Variants in ARFIP1 observed in about 807,000 individuals in gnomAD.
ARFIP1 encodes the protein ARF interacting protein 1.
A neutral mutation model predicts 42.5 loss-of-function variants in ARFIP1; 24 were observed. The observed-to-expected ratio is 0.57, with a 90% CI of 0.41 to 0.80. The LOEUF is 0.80. Ranked by LOEUF, ARFIP1 falls within the 30% of genes least tolerant of loss-of-function variation. The probability of loss-of-function intolerance (pLI) is 0.00; values close to 1 mark genes in which losing one functional copy is unlikely to be tolerated. For missense variants in ARFIP1, 354 were observed against 434.0 expected, an observed-to-expected ratio of 0.82 and a Z score of 1.64; for synonymous variants, 141 against 153.7, an observed-to-expected ratio of 0.92 and a Z score of 0.61.
At chr4:152,784,354 T>A (rs1730673657) in intron 1 of ARFIP1, among the ~76,000 whole-genome samples, 1 of 152,206 alleles carries the variant, frequency 6.6e-6, no homozygotes, top group African/African-American at 2.4e-5. Context: ...ACAAAAGTAT[T>A]TATTTTCTTT....
intron 2 of ARFIP1, among the ~76,000 whole-genome samples, chr4:152,846,089 GA>G (rs113790798): frequency 1.2e-3 from 187 of 152,222 alleles, no homozygotes; most frequent in African/African-American, 4.3e-3. Flanking sequence ...TGTTGCTGCT[GA>G]ATTAACACAG....
chr4:152,835,123 C>G (rs1483940664), intron 2 of ARFIP1, among the ~76,000 whole-genome samples: 1 of 152,184 alleles, frequency 6.6e-6, no homozygotes, highest in Admixed American at 6.5e-5. Flanking sequence ...GCACATGGCT[C>G]CCCTTTAGTC....
chr4:152,864,959 G>T (rs1251888945), intron 3 of ARFIP1, among the ~76,000 whole-genome samples: 2 of 127,546 alleles, frequency 1.6e-5, no homozygotes, highest in East Asian at 2.3e-4. Context: ...GTAAAGCCGT[G>T]TAAACATTTA....
chr4:152,885,742 A>T (rs997503463), intron 7 of ARFIP1, among the ~76,000 whole-genome samples: 2 of 151,984 alleles, frequency 1.3e-5, no homozygotes, highest in East Asian at 3.9e-4. Context: ...ATTGAAGGAT[A>T]TTTGTCCTTA....
At chr4:152,811,692 A>G (rs999541403) in intron 1 of ARFIP1, among the ~76,000 whole-genome samples, 2 of 152,180 alleles carry the variant, frequency 1.3e-5, no homozygotes, top group Non-Finnish European at 2.9e-5. Flanking sequence ...GATTGTTTTT[A>G]TTCCTAAAGG....
intron 8 of ARFIP1, among the ~76,000 whole-genome samples, chr4:152,908,348 G>A (rs554227206): frequency 1.3e-5 from 2 of 152,054 alleles, no homozygotes; most frequent in East Asian, 1.9e-4. Flanking sequence ...ATATTAGGCC[G>A]GGCACGGTGA....
rs531658669 is a variant in ARFIP1 at position 152,882,479 on chromosome 4, TA to T, written c.634-237del. On this transcript the variant is annotated intron_variant, in intron 6 of 8. Coordinates refer to ENST00000353617, the MANE Select transcript of ARFIP1 (RefSeq NM_001025595.3). Reference sequence around the variant, plus strand: ...ATATTGTTTCTACTACAAAGTAACTTAAAAAAATTATTTAGCTTTTAGGTAT... The same window carrying T: ...ATATTGTTTCTACTACAAAGTAACTTAAAAAATTATTTAGCTTTTAGGTAT... Among the ~76,000 whole-genome samples, 6 of 152,284 alleles carry T rather than the reference TA, an allele frequency of 3.9e-5. No homozygotes were observed. The South Asian group carries it at 8.3e-4, about 21-fold the overall frequency.
chr4:152,902,831 G>A (rs1400058460), intron 8 of ARFIP1, among the ~76,000 whole-genome samples: 5 of 152,206 alleles, frequency 3.3e-5, no homozygotes, highest in South Asian at 2.1e-4. Flanking sequence ...GCCAGCGAGC[G>A]GTATTTGAGA....
intron 1 of ARFIP1, among the ~76,000 whole-genome samples, chr4:152,790,560 GCAGA>G (rs1472128038): frequency 6.6e-6 from 1 of 152,142 alleles, no homozygotes; most frequent in Non-Finnish European, 1.5e-5. Context: ...AAAGACTTCT[GCAGA>G]CAGTCAGTTT....
At chr4:152,859,296 A>C (rs529032476) in intron 2 of ARFIP1, among the ~76,000 whole-genome samples, 1 of 152,296 alleles carries the variant, frequency 6.6e-6, no homozygotes, top group Non-Finnish European at 1.5e-5. Context: ...TCCCGAGCTC[A>C]AGCGATCCTC....
intron 5 of ARFIP1, among the ~76,000 whole-genome samples, chr4:152,876,072 G>A (rs923369700): frequency 1.3e-5 from 2 of 151,996 alleles, no homozygotes; most frequent in East Asian, 1.9e-4. Context: ...TCCCAGTCTC[G>A]GGTCTGTCTT....
intron 8 of ARFIP1, 86 bp from the exon 9 acceptor site, chr4:152,909,978 A>G: frequency 2.0e-6 from 3 of 1,481,236 alleles, no homozygotes; most frequent in Non-Finnish European, 2.8e-6. Flanking sequence ...GAGATACACT[A>G]TTTAATTAAG....
At chr4:152,823,776 CAAAAAAAAAAAAAAA>C (rs66556811) in intron 1 of ARFIP1, among the ~76,000 whole-genome samples, 26 of 63,144 alleles carry the variant, frequency 4.1e-4, no homozygotes, top group Non-Finnish European at 5.7e-4. Flanking sequence ...GTCTCCATCT[CAAAAAAAAAAAAAAA>C]AAAAAAAAAA....
At chr4:152,848,086 G>GTA (rs1443811692) in intron 2 of ARFIP1, among the ~76,000 whole-genome samples, 1 of 152,048 alleles carries the variant, frequency 6.6e-6, no homozygotes, top group Admixed American at 6.6e-5. Context: ...TATTCGTTCA[G>GTA]TAGAACTACC....
chr4:152,804,852 G>C (rs1442556676), intron 1 of ARFIP1, among the ~76,000 whole-genome samples: 2 of 152,024 alleles, frequency 1.3e-5, no homozygotes, highest in Non-Finnish European at 2.9e-5. Context: ...TTAAATGCTA[G>C]CTCTTATTGT....
chr4:152,848,813 C>A (rs1732761906), intron 2 of ARFIP1, among the ~76,000 whole-genome samples: 1 of 152,196 alleles, frequency 6.6e-6, no homozygotes, highest in Admixed American at 6.5e-5. Flanking sequence ...TCTCCTTCAG[C>A]CATCCTACCC....
At chr4:152,822,093 T>C (rs550252752) in intron 1 of ARFIP1, among the ~76,000 whole-genome samples, 239 of 152,070 alleles carry the variant, frequency 1.6e-3, no homozygotes, top group Non-Finnish European at 3.0e-3. Flanking sequence ...AACATGATGA[T>C]CTATTTAAAA....
intron 1 of ARFIP1, among the ~76,000 whole-genome samples, chr4:152,808,232 G>C (rs1437518802): frequency 7.1e-6 from 1 of 140,902 alleles, no homozygotes; most frequent in Non-Finnish European, 1.5e-5. Context: ...TTCCCACCTT[G>C]GCCTCCCAAA....
chr4:152,830,649 C>G (rs948674641), intron 2 of ARFIP1, among the ~76,000 whole-genome samples: 4 of 152,130 alleles, frequency 2.6e-5, no homozygotes, highest in Non-Finnish European at 2.9e-5. Context: ...TCAGTCTTAG[C>G]ACTGTTGACA....
Sources: gnomAD v4.1 joint callset for allele counts (sites outside exome capture counted in the v4.1 genomes callset) on GRCh38, gnomAD v4.1.1 for gene constraint, MANE v1.5 for transcripts, NCBI Gene and HGNC (gene_info 2026-07-23, HGNC 2026-07-21) for gene names.